MAGI2: variants seen among roughly 807,000 people sequenced by gnomAD.
MAGI2 encodes membrane-associated guanylate kinase, WW and PDZ domain-containing protein 2.
A neutral mutation model predicts 133.3 loss-of-function variants in MAGI2; 35 were observed. That is an observed-to-expected ratio of 0.26 (90% CI 0.20 to 0.35). The LOEUF (loss-of-function observed/expected upper bound fraction) is 0.35, where lower values mean the gene tolerates loss of function less well. MAGI2 is among the 10% of genes least tolerant of loss of function. MAGI2 has a pLI of 1.00. For synonymous variants in MAGI2, 729 were observed against 710.6 expected (o/e 1.03, Z -0.41); for missense variants, 1,636 against 1,863.4 (o/e 0.88, Z 2.25).
At chr7:78,954,012 T>A (rs1043222348) in intron 2 of MAGI2, among the ~76,000 whole-genome samples, 3 of 152,162 alleles carry the variant, frequency 2.0e-5, no homozygotes, top group Non-Finnish European at 4.4e-5. Context: ...CTTCCTGTAG[T>A]TAATAAATCA....
At chr7:79,432,790 T>C (rs527470236) in intron 1 of MAGI2, among the ~76,000 whole-genome samples, 2 of 152,312 alleles carry the variant, frequency 1.3e-5, no homozygotes, top group South Asian at 4.1e-4. Flanking sequence ...GCGATGGTGA[T>C]GATAAAGGTG....
intron 3 of MAGI2, among the ~76,000 whole-genome samples, chr7:78,583,861 T>C (rs1803110142): frequency 6.6e-6 from 1 of 152,230 alleles, no homozygotes; most frequent in South Asian, 2.1e-4. Flanking sequence ...TTCTCTTGTC[T>C]ATGGTAATTG....
chr7:78,976,557 C>A (rs916239500), intron 2 of MAGI2, among the ~76,000 whole-genome samples: 12 of 151,154 alleles, frequency 7.9e-5, no homozygotes, highest in Admixed American at 6.0e-4. Context: ...AAAATATGTC[C>A]TTTTTTCACC....
intron 20 of MAGI2, among the ~76,000 whole-genome samples, chr7:78,109,456 C>A (rs1466020717): frequency 6.6e-6 from 1 of 150,680 alleles, no homozygotes; most frequent in Non-Finnish European, 1.5e-5. Flanking sequence ...AATGGTGAAA[C>A]CCTGTCTCTA....
chr7:78,295,283 T>G (rs1004438895), intron 9 of MAGI2, among the ~76,000 whole-genome samples: 2 of 152,164 alleles, frequency 1.3e-5, no homozygotes, highest in African/African-American at 4.8e-5. Flanking sequence ...CCGCCTTATA[T>G]CTATATGTTG....
chr7:79,074,711 A>G (rs1050438945), intron 1 of MAGI2, among the ~76,000 whole-genome samples: 2 of 152,232 alleles, frequency 1.3e-5, no homozygotes, highest in South Asian at 2.1e-4. Context: ...TACATACATT[A>G]CACACTTTCT....
At chr7:79,322,924 T>C (rs1309911882) in intron 1 of MAGI2, among the ~76,000 whole-genome samples, 1 of 152,174 alleles carries the variant, frequency 6.6e-6, no homozygotes, top group Non-Finnish European at 1.5e-5. Context: ...CTGGAGCCTC[T>C]AACTCCTAGG....
intron 1 of MAGI2, among the ~76,000 whole-genome samples, chr7:79,290,431 CTG>C (rs1446025173): frequency 1.3e-5 from 2 of 151,598 alleles, no homozygotes; most frequent in Admixed American, 6.6e-5. Context: ...AAAGATGAGT[CTG>C]ATATTATTCA....
intron 1 of MAGI2, among the ~76,000 whole-genome samples, chr7:79,294,979 C>A (rs1379997689): frequency 2.0e-5 from 3 of 151,606 alleles, no homozygotes; most frequent in African/African-American, 7.3e-5. Context: ...ACCTCGTGAT[C>A]TGCCCGCCTC....
intron 2 of MAGI2, among the ~76,000 whole-genome samples, chr7:78,757,193 CA>C (rs1478431021): frequency 6.6e-6 from 1 of 152,014 alleles, no homozygotes; most frequent in Non-Finnish European, 1.5e-5. Context: ...ATGAATAGAC[CA>C]CATTCCTGGA....
intron 16 of MAGI2, among the ~76,000 whole-genome samples, chr7:78,147,773 A>G (rs1823456396): frequency 6.6e-6 from 1 of 152,092 alleles, no homozygotes; most frequent in Non-Finnish European, 1.5e-5. Flanking sequence ...AGGCAGGAGG[A>G]TTGCTTGAGC....
chr7:79,311,878 T>C (rs560428879), intron 1 of MAGI2, among the ~76,000 whole-genome samples: 131 of 152,262 alleles, frequency 8.6e-4, no homozygotes, highest in Admixed American at 1.8e-3. Flanking sequence ...ATTCTTGCCT[T>C]CTCTCTTTTT....
At chr7:78,713,495 A>G (rs925690381) in intron 2 of MAGI2, among the ~76,000 whole-genome samples, 31 of 152,184 alleles carry the variant, frequency 2.0e-4, no homozygotes, top group Non-Finnish European at 4.1e-4. Flanking sequence ...TCTACATGGG[A>G]TGAGATATAT....
intron 1 of MAGI2, among the ~76,000 whole-genome samples, chr7:79,136,106 AAAGAAAG>A (rs1821525736): frequency 6.7e-6 from 1 of 148,968 alleles, no homozygotes; most frequent in Non-Finnish European, 1.5e-5. Context: ...AGAAAGAAAG[AAAGAAAG>A]AAAGAAAGAA....
intron 14 of MAGI2, among the ~76,000 whole-genome samples, chr7:78,176,159 CT>C (rs1057470862): frequency 4.6e-5 from 7 of 152,098 alleles, no homozygotes; most frequent in African/African-American, 1.7e-4. Context: ...CCAAGAGTTC[CT>C]TTTCCTTGTG....
At chr7:78,759,068 G>T (rs1824232696) in intron 2 of MAGI2, among the ~76,000 whole-genome samples, 2 of 152,102 alleles carry the variant, frequency 1.3e-5, no homozygotes, top group African/African-American at 4.8e-5. Flanking sequence ...ACAAAGTGAT[G>T]ACTTCGTGGA....
At chr7:78,762,728 T>A (rs1038610954) in intron 2 of MAGI2, among the ~76,000 whole-genome samples, 1 of 152,158 alleles carries the variant, frequency 6.6e-6, no homozygotes, top group Non-Finnish European at 1.5e-5. Flanking sequence ...GCATAATAAA[T>A]TATGTGGTAT....
chr7:79,285,706 G>A (rs1342849111), intron 1 of MAGI2, among the ~76,000 whole-genome samples: 2 of 151,988 alleles, frequency 1.3e-5, no homozygotes, highest in Non-Finnish European at 2.9e-5. Context: ...TGATCACAAA[G>A]GATACACTCA....
At chr7:78,907,408 A>T (rs1397088894) in intron 2 of MAGI2, among the ~76,000 whole-genome samples, 2 of 152,078 alleles carry the variant, frequency 1.3e-5, no homozygotes, top group African/African-American at 4.8e-5. Context: ...AGACCATATT[A>T]TTGGGTTTCA....
Sources: gnomAD v4.1 joint callset for allele counts (sites outside exome capture counted in the v4.1 genomes callset) on GRCh38, gnomAD v4.1.1 for gene constraint, MANE v1.5 for transcripts, NCBI Gene and HGNC (gene_info 2026-07-23, HGNC 2026-07-21) for gene names.